The following GRXCR1 variants were observed in gnomAD, a reference collection of about 807,000 sequenced individuals.
The protein encoded by GRXCR1 is glutaredoxin domain-containing cysteine-rich protein 1.
A neutral mutation model predicts 27.3 loss-of-function variants in GRXCR1; 27 were observed. The ratio of observed to expected loss-of-function variants is 0.99; its 90% CI spans 0.73 to 1.37. The LOEUF is 1.37. Ranked by LOEUF, GRXCR1 falls within the 40% of genes most tolerant of loss-of-function variation. The pLI is 0.00. For missense variants in GRXCR1, 379 were observed against 354.4 expected, an observed-to-expected ratio of 1.07 and a Z score of -0.56; for synonymous variants, 122 against 131.1, an observed-to-expected ratio of 0.93 and a Z score of 0.47.
At position 42,934,240 on chromosome 4, in the gene GRXCR1, T is replaced by TTATATATA. The variant is rs3072842; in HGVS notation, c.385-28642_385-28635dup. ...ACTGTTATATGTGTATGATGTGATA[T>TTATATATA]TATATATATATATATATGTATATAT... On this transcript the variant is annotated intron_variant, in intron 1 of 3. Transcript: ENST00000399770. 1.8e-3 allele frequency among the ~76,000 whole-genome samples: 259 copies of TTATATATA among 146,448 alleles called. 1 individual carries two copies. Among genetic ancestry groups the TTATATATA allele is most frequent in the African/African-American group, 5.5e-3 (222 of 40,174 alleles).
chr4:42,996,939 T>C (rs921102821), intron 2 of GRXCR1, among the ~76,000 whole-genome samples: 2 of 152,122 alleles, frequency 1.3e-5, no homozygotes, highest in African/African-American at 4.8e-5. Flanking sequence ...TTACAATCTC[T>C]TGGCCACCAA....
chr4:42,960,364 T>A (rs1748104479), intron 1 of GRXCR1, among the ~76,000 whole-genome samples: 1 of 151,980 alleles, frequency 6.6e-6, no homozygotes, highest in African/African-American at 2.4e-5. Flanking sequence ...GGTGCTCTTC[T>A]GAAAGCTGCA....
intron 1 of GRXCR1, among the ~76,000 whole-genome samples, chr4:42,955,298 G>A (rs1747973716): frequency 6.6e-6 from 1 of 151,990 alleles, no homozygotes; most frequent in Non-Finnish European, 1.5e-5. Flanking sequence ...AACATGCCCC[G>A]TGTGATGTAA....
chr4:42,946,176 C>A (rs1747740554), intron 1 of GRXCR1, among the ~76,000 whole-genome samples: 1 of 152,112 alleles, frequency 6.6e-6, no homozygotes, highest in Non-Finnish European at 1.5e-5. Flanking sequence ...ACAGCAACAA[C>A]CTGAATTTCC....
chr4:42,992,763 G>A (rs934134276), intron 2 of GRXCR1, among the ~76,000 whole-genome samples: 59 of 152,198 alleles, frequency 3.9e-4, no homozygotes, highest in African/African-American at 1.4e-3. Context: ...GTGATTGTGA[G>A]TGATGATAAA....
intron 1 of GRXCR1, among the ~76,000 whole-genome samples, chr4:42,949,608 A>G (rs1747832611): frequency 6.6e-6 from 1 of 152,150 alleles, no homozygotes; most frequent in South Asian, 2.1e-4. Context: ...TAAGATAATA[A>G]CAGTACCTAC....
chr4:42,920,681 C>G (rs1746988442), intron 1 of GRXCR1, among the ~76,000 whole-genome samples: 1 of 151,906 alleles, frequency 6.6e-6, no homozygotes, highest in South Asian at 2.1e-4. Context: ...CTCCCTGCCT[C>G]ACTTCCTTCC....
intron 1 of GRXCR1, among the ~76,000 whole-genome samples, chr4:42,906,800 C>T (rs1177783232): frequency 6.6e-6 from 1 of 152,122 alleles, no homozygotes; most frequent in Non-Finnish European, 1.5e-5. Flanking sequence ...GACAAATTTA[C>T]AAGGTAAATA....
At chr4:43,002,476 T>G (rs2109797477) in intron 2 of GRXCR1, among the ~76,000 whole-genome samples, 1 of 152,334 alleles carries the variant, frequency 6.6e-6, no homozygotes, top group Non-Finnish European at 1.5e-5. Context: ...ATACAACACA[T>G]GTTTTTGTGA....
At chr4:42,919,764 A>G (rs1746967387) in intron 1 of GRXCR1, among the ~76,000 whole-genome samples, 1 of 152,014 alleles carries the variant, frequency 6.6e-6, no homozygotes, top group African/African-American at 2.4e-5. Context: ...TATTCCCAGA[A>G]CTCATTCTTT....
At chr4:42,995,686 C>T (rs571394175) in intron 2 of GRXCR1, among the ~76,000 whole-genome samples, 7 of 152,240 alleles carry the variant, frequency 4.6e-5, no homozygotes, top group Admixed American at 3.9e-4. Context: ...AGTATATGTA[C>T]GCCACTCTTT....
At chr4:42,944,531 T>C (rs1747698975) in intron 1 of GRXCR1, among the ~76,000 whole-genome samples, 1 of 152,106 alleles carries the variant, frequency 6.6e-6, no homozygotes, top group South Asian at 2.1e-4. Context: ...TTCATTTTCT[T>C]TGATCCTCAT....
intron 1 of GRXCR1, among the ~76,000 whole-genome samples, chr4:42,945,133 TA>T (rs1269958775): frequency 6.6e-6 from 1 of 152,170 alleles, no homozygotes; most frequent in Non-Finnish European, 1.5e-5. Flanking sequence ...GCGGAGAAGA[TA>T]CCATCTATAA....
chr4:42,894,683 T>C (rs980730391), intron 1 of GRXCR1, among the ~76,000 whole-genome samples: 5 of 139,968 alleles, frequency 3.6e-5, no homozygotes, highest in Non-Finnish European at 6.7e-5. Flanking sequence ...ATAAAAACAG[T>C]TGACAGCAAA....
In GRXCR1 at chr4:43,002,500, TCAAAGTGGCTGGGG is replaced by T. The variant is rs1329759761; in HGVS notation, c.628-17841_628-17828del. 5.8e-4 allele frequency among the ~76,000 whole-genome samples: 88 copies of T among 152,040 alleles called. 2 individuals are homozygous for T. The South Asian group carries it at 0.011, about 19-fold the overall frequency. On this transcript the variant is annotated intron_variant, in intron 2 of 3. Coordinates refer to ENST00000399770, the MANE Select transcript of GRXCR1 (RefSeq NM_001080476.3). ...ATGTTTTTGTGAACTCCTGGCTGGG[TCAAAGTGGCTGGGG>T]CAAAGTGGCTGGTACAAAACTACAA...
At chr4:43,003,372 G>A (rs1030212495) in intron 2 of GRXCR1, among the ~76,000 whole-genome samples, 1 of 152,120 alleles carries the variant, frequency 6.6e-6, no homozygotes, top group African/African-American at 2.4e-5. Context: ...CAGGAAAGTG[G>A]GGCATTGCTA....
intron 1 of GRXCR1, among the ~76,000 whole-genome samples, chr4:42,923,915 G>C (rs555232994): frequency 7.2e-4 from 110 of 152,138 alleles, no homozygotes; most frequent in Non-Finnish European, 1.4e-3. Flanking sequence ...AGCAAGAAGT[G>C]ATTATGGAGA....
intron 2 of GRXCR1, among the ~76,000 whole-genome samples, chr4:42,973,989 C>A (rs902858922): frequency 2.0e-4 from 30 of 152,126 alleles, no homozygotes; most frequent in Admixed American, 1.4e-3. Context: ...ATCTGCACAA[C>A]AATGTACCAA....
intron 2 of GRXCR1, among the ~76,000 whole-genome samples, chr4:42,997,610 C>T (rs1203604721): frequency 6.6e-6 from 1 of 152,132 alleles, no homozygotes; most frequent in Non-Finnish European, 1.5e-5. Flanking sequence ...AGGAGCTCCT[C>T]CCCACAGTCA....
Sources: gnomAD v4.1 joint callset for allele counts (sites outside exome capture counted in the v4.1 genomes callset) on GRCh38, gnomAD v4.1.1 for gene constraint, MANE v1.5 for transcripts, NCBI Gene and HGNC (gene_info 2026-07-23, HGNC 2026-07-21) for gene names.